The following GPR141 variants were observed in gnomAD, a reference collection of about 807,000 sequenced individuals.
GPR141 encodes the protein probable G protein-coupled receptor 141.
Under a neutral mutation model 6.8 loss-of-function variants are expected in GPR141, and 6 were observed. The observed-to-expected ratio is 0.88, with a 90% confidence interval of 0.48 to 1.74. The LOEUF (loss-of-function observed/expected upper bound fraction) is 1.74, where lower values mean the gene tolerates loss of function less well. Among genes scored for constraint, GPR141 ranks in the 40% most tolerant of loss-of-function variants. The probability of loss-of-function intolerance (pLI) is 0.01; values close to 1 mark genes in which losing one functional copy is unlikely to be tolerated. For synonymous variants in GPR141, 140 were observed against 142.3 expected (o/e 0.98, Z 0.11); for missense variants, 372 against 372.9 (o/e 1.00, Z 0.02).
At chr7:37,720,738 CAA>C (rs543342332) in intron 2 of GPR141, among the ~76,000 whole-genome samples, 12 of 58,696 alleles carry the variant, frequency 2.0e-4, no homozygotes, top group East Asian at 8.8e-4. Flanking sequence ...GACTCCGTCT[CAA>C]AAAAAAAAAA....
At chr7:37,734,991 T>A (rs1482254427) in intron 2 of GPR141, among the ~76,000 whole-genome samples, 1 of 152,254 alleles carries the variant, frequency 6.6e-6, no homozygotes, top group Admixed American at 6.5e-5. Context: ...AATCTTTGTA[T>A]GTTGGGGAGG....
At chr7:37,706,032 G>C (rs1030745339) in intron 2 of GPR141, among the ~76,000 whole-genome samples, 1 of 152,122 alleles carries the variant, frequency 6.6e-6, no homozygotes, top group Non-Finnish European at 1.5e-5. Context: ...CACTAAAGAG[G>C]GCAGCTGCTT....
At chr7:37,712,846 TGGTGGCTCTGCAGA>T (rs1309644850) in intron 2 of GPR141, among the ~76,000 whole-genome samples, 2 of 152,192 alleles carry the variant, frequency 1.3e-5, no homozygotes, top group African/African-American at 4.8e-5. Flanking sequence ...AGGCTGAGTT[TGGTGGCTCTGCAGA>T]GCTCAGCTGG....
chr7:37,716,248 A>G (rs997406976), intron 2 of GPR141, among the ~76,000 whole-genome samples: 24 of 152,346 alleles, frequency 1.6e-4, no homozygotes, highest in African/African-American at 5.8e-4. Context: ...CAGGCTGCCT[A>G]TAATTTATTA....
chr7:37,731,722 G>A, intron 2 of GPR141, among the ~76,000 whole-genome samples: 1 of 152,238 alleles, frequency 6.6e-6, no homozygotes, highest in Non-Finnish European at 1.5e-5. Context: ...GAAGTGCGGG[G>A]ATTACAGGCG....
chr7:37,731,911 A>C (rs1327008706), intron 2 of GPR141, among the ~76,000 whole-genome samples: 1 of 152,228 alleles, frequency 6.6e-6, no homozygotes, highest in East Asian at 1.9e-4. Context: ...CTGGGGAGCC[A>C]TCTTGGGAGT....
intron 2 of GPR141, among the ~76,000 whole-genome samples, chr7:37,702,023 A>G (rs1397338583): frequency 6.6e-6 from 1 of 152,160 alleles, no homozygotes; most frequent in Non-Finnish European, 1.5e-5. Flanking sequence ...TTGTTTTGTA[A>G]TAATGACATA....
rs770254655 is a variant in GPR141 at position 37,740,947 on chromosome 7, T to C, written c.554T>C (p.Ile185Thr). 53 of 1,614,000 alleles carry C rather than the reference T, an allele frequency of 3.3e-5. No homozygotes were observed. The highest frequency in any genetic ancestry group is 2.1e-4 in the South Asian group (19 of 91,072). Residue 185 changes from isoleucine (I) to threonine (T), a missense_variant, in exon 3 of 3, where the codon ATA becomes ACA. Physicochemically the swap from Ile to Thr is moderately conservative, Grantham distance 89. Transcript: ENST00000334425. ...TATGTGAAAATCATCAACTATATGATAGTCATTTTTGTCATAGCCGTTGCT... is the reference window on the plus strand; with the variant it reads ...TATGTGAAAATCATCAACTATATGACAGTCATTTTTGTCATAGCCGTTGCT... ...YTYVKIINYMIVIFVIAVAVI... is the reference protein window; with the variant it reads ...YTYVKIINYMTVIFVIAVAVI...
At chr7:37,700,019 A>T (rs890347931) in intron 2 of GPR141, among the ~76,000 whole-genome samples, 6 of 152,148 alleles carry the variant, frequency 3.9e-5, no homozygotes, top group Admixed American at 2.6e-4. Context: ...TCCTTAAATG[A>T]TAACTCTTGT....
rs138213333 is a variant in GPR141, at chr7:37,740,834, G to A, written c.441G>A (p.Val147=). ...AGMWTLVIVI[V]VPLVVSRYGI... ...TGTGGACGCTGGTGATTGTCATTGTGGTACCCCTGGTTGTCTCCCGGTATG... is the reference window on the plus strand; with the variant it reads ...TGTGGACGCTGGTGATTGTCATTGTAGTACCCCTGGTTGTCTCCCGGTATG... Residue 147 remains valine (V), a synonymous_variant, in exon 3 of 3, where the codon GTG becomes GTA. Transcript: ENST00000334425. The A allele has an allele frequency of 3.2e-3, 5,244 of 1,614,128 alleles. 127 individuals carry two copies. The East Asian group carries it at 0.052, about 16-fold the overall frequency.
chr7:37,711,982 A>T (rs1320824570), intron 2 of GPR141, among the ~76,000 whole-genome samples: 1 of 152,218 alleles, frequency 6.6e-6, no homozygotes, highest in Non-Finnish European at 1.5e-5. Flanking sequence ...GTCAGGGGAG[A>T]TACCTTCATT....
intron 2 of GPR141, among the ~76,000 whole-genome samples, chr7:37,686,407 CAAAGT>C (rs1380302461): frequency 2.0e-5 from 3 of 152,040 alleles, no homozygotes; most frequent in Non-Finnish European, 4.4e-5. Context: ...TACGTTATAC[CAAAGT>C]ATTTTCCAAA....
At chr7:37,688,165 G>A (rs1313053554) in intron 2 of GPR141, among the ~76,000 whole-genome samples, 1 of 152,048 alleles carries the variant, frequency 6.6e-6, no homozygotes, top group Non-Finnish European at 1.5e-5. Flanking sequence ...GGCTGGGCGC[G>A]GTGACTCACG....
At chr7:37,719,420 C>T (rs932920271) in intron 2 of GPR141, among the ~76,000 whole-genome samples, 1 of 152,218 alleles carries the variant, frequency 6.6e-6, no homozygotes, top group African/African-American at 2.4e-5. Flanking sequence ...ATATCTGCAT[C>T]TCTTCTTCCT....
chr7:37,697,948 A>G (rs1810099909), intron 2 of GPR141, among the ~76,000 whole-genome samples: 1 of 152,224 alleles, frequency 6.6e-6, no homozygotes, highest in Non-Finnish European at 1.5e-5. Context: ...TAAGAGAAGG[A>G]GGAATAGAGA....
rs575417113 is a variant in GPR141 at position 37,741,748 on chromosome 7, C to G, written c.*437C>G. ...TGGCCACCACCCAGCTCCAAAGACA[C>G]AAACTCTCCTTCGCTAACCAGGTTA... On this transcript the variant is annotated 3_prime_UTR_variant, in exon 3 of 3. Transcript: ENST00000334425. Among the ~76,000 whole-genome samples the G allele has an allele frequency of 6.6e-6, 1 of 152,212 alleles. No homozygotes were observed. Among genetic ancestry groups the G allele is most frequent in the Non-Finnish European group, 1.5e-5 (1 of 68,032 alleles).
chr7:37,704,467 A>G (rs556943799), intron 2 of GPR141, among the ~76,000 whole-genome samples: 364 of 152,296 alleles, frequency 2.4e-3, no homozygotes, highest in South Asian at 8.3e-3. Flanking sequence ...GGGAAATGCC[A>G]GATGCTTATA....
intron 2 of GPR141, among the ~76,000 whole-genome samples, chr7:37,730,212 C>T (rs1307398680): frequency 3.9e-5 from 6 of 152,140 alleles, no homozygotes. Context: ...CTCTCGCTCT[C>T]TTTCATGAAT....
At chr7:37,698,558 G>A (rs1211141146) in intron 2 of GPR141, among the ~76,000 whole-genome samples, 1 of 152,096 alleles carries the variant, frequency 6.6e-6, no homozygotes, top group East Asian at 1.9e-4. Flanking sequence ...TTGGGTAACT[G>A]GGGATTTGCT....
Sources: allele counts gnomAD v4.1 joint callset (sites outside exome capture counted in the v4.1 genomes callset), GRCh38; gene constraint gnomAD v4.1.1; transcripts MANE v1.5; gene names NCBI Gene and HGNC (gene_info 2026-07-23, HGNC 2026-07-21).